BAIAP2: variants seen among roughly 807,000 people sequenced by gnomAD.
BAIAP2 encodes the protein BAR/IMD domain containing adaptor protein 2.
A neutral mutation model predicts 63.0 loss-of-function variants in BAIAP2; 18 were observed. The ratio of observed to expected loss-of-function variants is 0.29; its 90% CI spans 0.20 to 0.42. BAIAP2 has a LOEUF of 0.42. BAIAP2 is among the 10% of genes least tolerant of loss of function. The pLI is 1.00. For synonymous variants in BAIAP2, 386 were observed against 307.6 expected (o/e 1.25, Z -2.67); for missense variants, 610 against 734.3 (o/e 0.83, Z 1.96).
chr17:81,097,926 C>G (rs1296393375), intron 6 of BAIAP2, among the ~76,000 whole-genome samples: 1 of 152,176 alleles, frequency 6.6e-6, no homozygotes, highest in African/African-American at 2.4e-5. Flanking sequence ...CCTACAAAAC[C>G]GGAGAGCCCT....
chr17:81,057,650 T>C, intron 2 of BAIAP2: 1 of 1,329,614 alleles, frequency 7.5e-7, no homozygotes. Context: ...CCTGAACTGG[T>C]ACGTTGTGTT....
At chr17:81,037,705 C>A (rs139720792) in intron 1 of BAIAP2, among the ~76,000 whole-genome samples, 3 of 152,254 alleles carry the variant, frequency 2.0e-5, no homozygotes, top group African/African-American at 7.2e-5. Flanking sequence ...GGCAGTGCCT[C>A]TTGGAACGGC....
chr17:81,037,264 C>T (rs967230621), intron 1 of BAIAP2, among the ~76,000 whole-genome samples: 3 of 152,240 alleles, frequency 2.0e-5, no homozygotes, highest in Non-Finnish European at 4.4e-5. Flanking sequence ...TGATTTAGCA[C>T]GGCAGGACGC....
intron 4 of BAIAP2, chr17:81,085,369 A>T (rs1406908340): frequency 5.0e-6 from 3 of 598,916 alleles, no homozygotes; most frequent in Non-Finnish European, 9.2e-6. Context: ...AGTGATCCCC[A>T]GCATGGGACA....
At chr17:81,092,291 A>ACGAGGC (rs1212778425) in intron 6 of BAIAP2, among the ~76,000 whole-genome samples, 1 of 152,140 alleles carries the variant, frequency 6.6e-6, no homozygotes, top group East Asian at 1.9e-4. Context: ...CAGGGTGCCT[A>ACGAGGC]CGAGGCCGAG....
intron 13 of BAIAP2, chr17:81,109,798 TCCAGAGACCA>T: frequency 3.0e-6 from 3 of 985,272 alleles, no homozygotes; most frequent in Non-Finnish European, 3.6e-6. Flanking sequence ...TCCAAAGACC[TCCAGAGACCA>T]CCCCACCCCC....
intron 3 of BAIAP2, among the ~76,000 whole-genome samples, chr17:81,080,373 C>CG (rs1461188673): frequency 3.3e-5 from 5 of 152,356 alleles, no homozygotes; most frequent in Admixed American, 2.6e-4. Context: ...AGCCGCCGCT[C>CG]GAAGCTCAGG....
chr17:81,115,024 C>T (rs1290453437), intron 13 of BAIAP2, among the ~76,000 whole-genome samples: 1 of 152,248 alleles, frequency 6.6e-6, no homozygotes, highest in East Asian at 1.9e-4. Context: ...CTGTGCTGTC[C>T]CCTCCGGGGG....
At chr17:81,038,990 G>A (rs543159733) in intron 1 of BAIAP2, among the ~76,000 whole-genome samples, 3 of 152,364 alleles carry the variant, frequency 2.0e-5, no homozygotes, top group East Asian at 1.9e-4. Flanking sequence ...ATGTGTGTCC[G>A]TGTGTGCACA....
chr17:81,050,129 C>T (rs978810246), intron 1 of BAIAP2, among the ~76,000 whole-genome samples: 2 of 152,190 alleles, frequency 1.3e-5, no homozygotes, highest in African/African-American at 2.4e-5. Context: ...AGGCAGGGCT[C>T]CACAGAAGGC....
In BAIAP2 at chr17:81,115,747, A is replaced by G. The variant is rs758746420; in HGVS notation, c.1536-23A>G. On this transcript the variant is annotated intron_variant, in intron 13 of 13. Coordinates refer to ENST00000428708, the MANE Select transcript of BAIAP2 (RefSeq NM_001144888.2). ...ACCCATGGCTTCCGCCCTAAAAATT[A>G]AAACCACGTTTTTCTCTTTCAGGAA... 55 of 1,613,344 alleles carry G rather than the reference A, an allele frequency of 3.4e-5. 1 individual carries two copies. In the South Asian group the frequency reaches 5.2e-4, roughly 15 times the overall value.
intron 1 of BAIAP2, 33 bp downstream of exon 1, chr17:81,035,341 T>A: frequency 7.6e-7 from 1 of 1,318,452 alleles, no homozygotes; most frequent in Non-Finnish European, 9.8e-7. Flanking sequence ...CTGAGCCCGC[T>A]CCGTGTGCGC....
intron 3 of BAIAP2, among the ~76,000 whole-genome samples, chr17:81,065,653 G>A (rs1050563664): frequency 1.3e-5 from 2 of 152,182 alleles, no homozygotes; most frequent in African/African-American, 4.8e-5. Flanking sequence ...AGGCCCTCTC[G>A]CTCCCCCACC....
intron 3 of BAIAP2, among the ~76,000 whole-genome samples, chr17:81,079,330 G>A (rs772669013): frequency 2.6e-4 from 39 of 152,210 alleles, no homozygotes; most frequent in Non-Finnish European, 4.3e-4. Flanking sequence ...CCTGGCGACC[G>A]CCCCGTCTGA....
chr17:81,102,361 C>T (rs113610856), intron 7 of BAIAP2, among the ~76,000 whole-genome samples: 1 of 152,160 alleles, frequency 6.6e-6, no homozygotes, highest in Non-Finnish European at 1.5e-5. Flanking sequence ...TCCCTGCTGG[C>T]CTCTCCGCGC....
At chr17:81,078,361 C>T (rs1195424273) in intron 3 of BAIAP2, among the ~76,000 whole-genome samples, 5 of 144,394 alleles carry the variant, frequency 3.5e-5, no homozygotes, top group African/African-American at 7.9e-5. Context: ...GGTTCCACCT[C>T]GGAGCTGGGT....
At chr17:81,088,206 C>T (rs2056057017) in intron 6 of BAIAP2, among the ~76,000 whole-genome samples, 1 of 152,090 alleles carries the variant, frequency 6.6e-6, no homozygotes, top group African/African-American at 2.4e-5. Flanking sequence ...CAGCCCTGAG[C>T]ACCGAGGCCA....
intron 1 of BAIAP2, among the ~76,000 whole-genome samples, chr17:81,044,907 C>T (rs62072962): frequency 0.097 from 14,825 of 152,274 alleles, 856 homozygotes; most frequent in Admixed American, 0.17. Flanking sequence ...CCGGACACCC[C>T]GTGAGGCTGA....
chr17:81,062,551 C>A (rs78887511), intron 3 of BAIAP2, among the ~76,000 whole-genome samples: 3 of 152,124 alleles, frequency 2.0e-5, no homozygotes, highest in Non-Finnish European at 2.9e-5. Context: ...TTGGAGCCTC[C>A]CTGCTCCCTC....
Sources: allele counts gnomAD v4.1 joint callset (sites outside exome capture counted in the v4.1 genomes callset), GRCh38; gene constraint gnomAD v4.1.1; transcripts MANE v1.5; gene names NCBI Gene and HGNC (gene_info 2026-07-23, HGNC 2026-07-21).